KHDRBS2: variants seen among roughly 807,000 people sequenced by gnomAD.
KHDRBS2 encodes KH domain-containing, RNA-binding, signal transduction-associated protein 2.
A neutral mutation model predicts 44.3 loss-of-function variants in KHDRBS2; 26 were observed. That is an observed-to-expected ratio of 0.59 (90% CI 0.43 to 0.81). The LOEUF (loss-of-function observed/expected upper bound fraction) is 0.81. Among genes scored for constraint, KHDRBS2 ranks in the 40% least tolerant of loss-of-function variants. The pLI is 0.00. For synonymous variants in KHDRBS2, 194 were observed against 151.1 expected, an observed-to-expected ratio of 1.28 and a Z score of -2.08; for missense variants, 476 against 433.1, an observed-to-expected ratio of 1.10 and a Z score of -0.88.
intron 3 of KHDRBS2, among the ~76,000 whole-genome samples, chr6:62,046,262 A>C (rs1458454381): frequency 6.6e-6 from 1 of 151,948 alleles, no homozygotes; most frequent in Non-Finnish European, 1.5e-5. Context: ...ATTTAGTTTA[A>C]AACTTTATGA....
chr6:61,637,528 T>C, the KHDRBS2 span, among the ~76,000 whole-genome samples: 37 of 152,338 alleles, frequency 2.4e-4, no homozygotes, highest in South Asian at 1.9e-3. Context: ...GCATGATTTA[T>C]AGTCCTTTGG....
chr6:62,153,198 G>A (rs1815601659), intron 2 of KHDRBS2, among the ~76,000 whole-genome samples: 1 of 152,092 alleles, frequency 6.6e-6, no homozygotes, highest in Non-Finnish European at 1.5e-5. Flanking sequence ...TGAACATTAG[G>A]GAATAGCCTA....
chr6:62,266,540 T>A (rs535816963), intron 1 of KHDRBS2, among the ~76,000 whole-genome samples: 6 of 152,158 alleles, frequency 3.9e-5, no homozygotes, highest in South Asian at 2.1e-4. Context: ...AAATAAATTC[T>A]ATGTGGGCTC....
At chr6:61,900,735 A>C (rs1803822230) in intron 5 of KHDRBS2, among the ~76,000 whole-genome samples, 1 of 152,128 alleles carries the variant, frequency 6.6e-6, no homozygotes, top group African/African-American at 2.4e-5. Flanking sequence ...CTGTATCTCT[A>C]TCTATCTACT....
At chr6:62,110,975 T>C (rs1276933663) in intron 2 of KHDRBS2, among the ~76,000 whole-genome samples, 1 of 152,132 alleles carries the variant, frequency 6.6e-6, no homozygotes, top group East Asian at 1.9e-4. Context: ...TTTTTAAGTA[T>C]AACAGACCTT....
At chr6:61,736,145 T>C (rs2127561988) in intron 6 of KHDRBS2, among the ~76,000 whole-genome samples, 1 of 151,104 alleles carries the variant, frequency 6.6e-6, no homozygotes, top group Middle Eastern at 3.4e-3. Context: ...AGATTGAGTC[T>C]TCTCGGTTGG....
At chr6:61,667,112 A>G in the KHDRBS2 span, among the ~76,000 whole-genome samples, 4 of 150,588 alleles carry the variant, frequency 2.7e-5, no homozygotes, top group African/African-American at 7.3e-5. Context: ...AAAAACGTCA[A>G]TTATCCAATA....
the KHDRBS2 span, among the ~76,000 whole-genome samples, chr6:61,667,569 T>A: frequency 6.6e-6 from 1 of 151,304 alleles, no homozygotes; most frequent in Admixed American, 6.6e-5. Context: ...GCTCCAATTT[T>A]TGCATCAGAA....
intron 6 of KHDRBS2, among the ~76,000 whole-genome samples, chr6:61,787,245 CT>C (rs1783959116): frequency 1.3e-5 from 2 of 151,494 alleles, no homozygotes; most frequent in South Asian, 4.1e-4. Context: ...GCACATAAAT[CT>C]TTGACCTTAT....
Position 61,822,684 on chromosome 6 carries a change from A to G in KHDRBS2, c.810+71951T>C, listed in dbSNP as rs148692563. Among the ~76,000 whole-genome samples, 78 of 151,962 alleles carry G rather than the reference A, an allele frequency of 5.1e-4. 1 individual carries two copies. The East Asian group carries it at 0.013, about 26-fold the overall frequency. On this transcript the variant is annotated intron_variant, in intron 6 of 8. Transcript: ENST00000281156. ...TTAACTCTCCAGCTAACCTATTTCTATTCCCTACTCTAGGCTTTTGTGTTC... is the reference window on the plus strand; with the variant it reads ...TTAACTCTCCAGCTAACCTATTTCTGTTCCCTACTCTAGGCTTTTGTGTTC...
At chr6:61,648,625 T>A in the KHDRBS2 span, among the ~76,000 whole-genome samples, 1 of 152,128 alleles carries the variant, frequency 6.6e-6, no homozygotes, top group Non-Finnish European at 1.5e-5. Context: ...TTCAATAATA[T>A]GTGGCAAAGC....
At chr6:61,762,412 G>C (rs981285435) in intron 6 of KHDRBS2, among the ~76,000 whole-genome samples, 2 of 152,140 alleles carry the variant, frequency 1.3e-5, no homozygotes, top group African/African-American at 2.4e-5. Context: ...TGGAGATAGG[G>C]TCTAATGGGA....
chr6:61,554,078 C>T, the KHDRBS2 span, among the ~76,000 whole-genome samples: 6 of 151,954 alleles, frequency 3.9e-5, no homozygotes, highest in African/African-American at 7.3e-5. Context: ...CCTCAATGAT[C>T]GTCTTATATT....
the KHDRBS2 span, among the ~76,000 whole-genome samples, chr6:61,672,509 A>T: frequency 1.2e-4 from 18 of 152,006 alleles, no homozygotes; most frequent in African/African-American, 2.4e-4. Flanking sequence ...CAGCACCTGT[A>T]GTTTCCTGAC....
intron 2 of KHDRBS2, among the ~76,000 whole-genome samples, chr6:62,119,179 A>C (rs1440184032): frequency 6.6e-6 from 1 of 152,214 alleles, no homozygotes; most frequent in Non-Finnish European, 1.5e-5. Flanking sequence ...ATTATGGAGA[A>C]CACTGATAGA....
chr6:61,824,489 G>A (rs1361837617), intron 6 of KHDRBS2, among the ~76,000 whole-genome samples: 1 of 152,048 alleles, frequency 6.6e-6, no homozygotes, highest in Non-Finnish European at 1.5e-5. Flanking sequence ...CTGTGGAACT[G>A]TGAGTCAATT....
intron 6 of KHDRBS2, among the ~76,000 whole-genome samples, chr6:61,852,790 A>G (rs1795643319): frequency 6.6e-6 from 1 of 152,190 alleles, no homozygotes; most frequent in African/African-American, 2.4e-5. Context: ...ATTTATTAAA[A>G]TAATCTTAAA....
At chr6:61,649,048 G>A in the KHDRBS2 span, among the ~76,000 whole-genome samples, 2 of 152,106 alleles carry the variant, frequency 1.3e-5, no homozygotes, top group Non-Finnish European at 1.5e-5. Context: ...GCTTTACCGG[G>A]GGCTGCTTTG....
At chr6:61,990,876 A>C (rs1776009204) in intron 3 of KHDRBS2, among the ~76,000 whole-genome samples, 1 of 151,908 alleles carries the variant, frequency 6.6e-6, no homozygotes, top group Admixed American at 6.6e-5. Flanking sequence ...TGCCCAGTTA[A>C]TTTTTTGTAT....
Sources: allele counts gnomAD v4.1 joint callset (sites outside exome capture counted in the v4.1 genomes callset), GRCh38; gene constraint gnomAD v4.1.1; transcripts MANE v1.5; gene names NCBI Gene and HGNC (gene_info 2026-07-23, HGNC 2026-07-21).